The following DNAI1 variants were observed in gnomAD, a reference collection of about 807,000 sequenced individuals.
DNAI1 encodes the protein dynein, axonemal, intermediate polypeptide 1.
DNAI1 carries 67 observed loss-of-function variants against 92.0 expected under a neutral mutation model. The observed-to-expected ratio is 0.73, with a 90% CI of 0.60 to 0.89. The LOEUF is 0.89. Among genes scored for constraint, DNAI1 ranks in the 40% least tolerant of loss-of-function variants. DNAI1 has a pLI of 0.00. For synonymous variants in DNAI1, 323 were observed against 319.6 expected, an observed-to-expected ratio of 1.01 and a Z score of -0.11; for missense variants, 839 against 866.6, an observed-to-expected ratio of 0.97 and a Z score of 0.40.
At chr9:34,490,168 G>A in intron 6 of DNAI1, 44 bp downstream of exon 6, 1 of 1,613,558 alleles carries the variant, frequency 6.2e-7, no homozygotes, top group African/African-American at 1.3e-5. Flanking sequence ...TCCAGCTCAA[G>A]CTGTGGATGG....
intron 4 of DNAI1, among the ~76,000 whole-genome samples, chr9:34,487,571 T>C (rs1824498948): frequency 6.6e-6 from 1 of 152,086 alleles, no homozygotes; most frequent in Non-Finnish European, 1.5e-5. Flanking sequence ...GGAAGCTGCC[T>C]TATCCTCCCT....
At chr9:34,461,131 C>T (rs1322168891) in intron 1 of DNAI1, among the ~76,000 whole-genome samples, 2 of 152,124 alleles carry the variant, frequency 1.3e-5, no homozygotes, top group African/African-American at 2.4e-5. Context: ...TGTGGGCCAC[C>T]GCACCCAGCC....
intron 9 of DNAI1, among the ~76,000 whole-genome samples, chr9:34,495,072 T>A (rs1247147512): frequency 6.6e-6 from 1 of 152,198 alleles, no homozygotes; most frequent in African/African-American, 2.4e-5. Flanking sequence ...AAGGGCCTCC[T>A]TGGTGGACCT....
chr9:34,472,806 G>T (rs1824165245), intron 1 of DNAI1, among the ~76,000 whole-genome samples: 1 of 151,946 alleles, frequency 6.6e-6, no homozygotes, highest in African/African-American at 2.4e-5. Context: ...GGAGGGTGAA[G>T]CAGGAGGATC....
In DNAI1 at chr9:34,512,367, C is replaced by T. The variant is rs1825082891; in HGVS notation, c.1432C>T (p.Leu478=). The change falls in exon 15 of 20, where the codon CTG becomes TTG. Residue 478 remains leucine (L), a synonymous_variant. Coordinates refer to ENST00000242317, the MANE Select transcript of DNAI1 (RefSeq NM_012144.4). ...RKLVHIDVIK[L]KVEGSTTEVP... ...GCTGGTTCACATAGATGTCATCAAG[C>T]TGAAGGTGGAAGGCAGCACCACGGA... is the stretch of plus-strand genomic sequence containing the variant. The T allele has an allele frequency of 1.2e-6, 2 of 1,614,038 alleles. No individual in the cohort carries two copies. Among genetic ancestry groups the T allele is most frequent in the Admixed American group, 1.7e-5 (1 of 60,002 alleles).
intron 7 of DNAI1, chr9:34,491,240 T>C (rs2132062987): frequency 1.8e-6 from 1 of 565,820 alleles, no homozygotes; most frequent in South Asian, 2.0e-5. Flanking sequence ...TGTATCTTGG[T>C]TAAAATGGGC....
intron 19 of DNAI1, among the ~76,000 whole-genome samples, chr9:34,519,266 C>G (rs993721992): frequency 2.0e-5 from 3 of 152,120 alleles, no homozygotes; most frequent in Non-Finnish European, 4.4e-5. Context: ...ACCTCCCTGC[C>G]CAGGGAGCTC....
At chr9:34,493,099 A>T in intron 8 of DNAI1, 95 bp from the exon 9 acceptor site, 1 of 1,560,382 alleles carries the variant, frequency 6.4e-7, no homozygotes, top group Non-Finnish European at 8.8e-7. Flanking sequence ...TGCCAGGGTT[A>T]ACATGACCAA....
intron 16 of DNAI1, among the ~76,000 whole-genome samples, chr9:34,514,046 G>C (rs1418631825): frequency 2.0e-5 from 3 of 152,190 alleles, no homozygotes; most frequent in African/African-American, 7.2e-5. Context: ...CCTGGAAGAT[G>C]GCCAGACCAC....
In DNAI1 at chr9:34,490,326, C is replaced by T. The variant is rs369707286; in HGVS notation, c.502-43C>T. On this transcript the variant is annotated intron_variant, in intron 6 of 19. Coordinates refer to ENST00000242317, the MANE Select transcript of DNAI1 (RefSeq NM_012144.4). The stretch of plus-strand genomic sequence containing the variant: ...GCCCCATCTCCCGGTTTTCTACCAC[C>T]TTCTCACAGCTGATTCCTGATCCTC... 3.1e-6 allele frequency: 5 copies of T among 1,614,018 alleles called. No homozygotes were observed. In the African/African-American group the frequency reaches 5.3e-5, roughly 17 times the overall value.
Position 34,489,459 on chromosome 9 carries a change from T to C in DNAI1, c.388+10T>C, listed in dbSNP as rs1824538038. ...GATGAATTAGTGGCAGGTAGGACTC[T>C]GGGCCATCCTGAAGCTACAGCCCTG... On this transcript the variant is annotated intron_variant, in intron 5 of 19. Transcript: ENST00000242317. 2 of 1,612,876 alleles carry C rather than the reference T, an allele frequency of 1.2e-6. No individual in the cohort carries two copies. The highest frequency in any genetic ancestry group is 1.7e-6 in the Non-Finnish European group (2 of 1,179,846).
intron 1 of DNAI1, among the ~76,000 whole-genome samples, chr9:34,475,940 G>C (rs1015245547): frequency 6.6e-6 from 1 of 152,102 alleles, no homozygotes; most frequent in Admixed American, 6.6e-5. Context: ...GTTCAGTGGG[G>C]TCATGAACCA....
intron 10 of DNAI1, among the ~76,000 whole-genome samples, chr9:34,500,064 T>G (rs1252446781): frequency 2.0e-5 from 3 of 152,052 alleles, no homozygotes; most frequent in Non-Finnish European, 4.4e-5. Context: ...GCGAATGAAT[T>G]AAAAAGATAG....
At chr9:34,482,800 G>A (rs1042313601) in intron 1 of DNAI1, among the ~76,000 whole-genome samples, 12 of 152,256 alleles carry the variant, frequency 7.9e-5, no homozygotes, top group South Asian at 4.1e-4. Context: ...GGGACTGGGC[G>A]CCGTGGAGCA....
intron 12 of DNAI1, among the ~76,000 whole-genome samples, chr9:34,506,183 G>A (rs1824925922): frequency 1.3e-5 from 2 of 152,150 alleles, no homozygotes; most frequent in South Asian, 2.1e-4. Context: ...TAGACAATTC[G>A]ATGTTAGTTC....
Position 34,485,122 on chromosome 9 carries a change from CAT to C in DNAI1, c.82-19_82-18del, listed in dbSNP as rs1587067358. ...AAGCAGAAAAGACACTCCCAAGCCT[CAT>C]GTGAGGTTTTTGTCTAGGATGAAGA... is the stretch of plus-strand genomic sequence containing the variant. On this transcript the variant is annotated intron_variant, in intron 2 of 19. Coordinates refer to ENST00000242317, the MANE Select transcript of DNAI1 (RefSeq NM_012144.4). 2.5e-6 allele frequency: 4 copies of C among 1,613,378 alleles called. No individual in the cohort carries two copies. Among genetic ancestry groups the C allele is most frequent in the Non-Finnish European group, 1.7e-6 (2 of 1,179,322 alleles).
chr9:34,520,019 T>C (rs2132088992), intron 19 of DNAI1, among the ~76,000 whole-genome samples: 1 of 152,214 alleles, frequency 6.6e-6, no homozygotes, highest in South Asian at 2.1e-4. Context: ...CAGGATCTGG[T>C]CTTCTAAAGG....
At chr9:34,489,264 A>G in intron 4 of DNAI1, 59 bp from the exon 5 acceptor site, 1 of 1,597,940 alleles carries the variant, frequency 6.3e-7, no homozygotes, top group Non-Finnish European at 8.6e-7. Flanking sequence ...AAAGCAGATT[A>G]CATTTTGACT....
At chr9:34,482,530 G>A (rs1004777192) in intron 1 of DNAI1, among the ~76,000 whole-genome samples, 3 of 147,868 alleles carry the variant, frequency 2.0e-5, no homozygotes, top group African/African-American at 7.6e-5. Context: ...CCTTGAGCTA[G>A]ACATAAAGAC....
Sources: allele counts gnomAD v4.1 joint callset (sites outside exome capture counted in the v4.1 genomes callset), GRCh38; gene constraint gnomAD v4.1.1; transcripts MANE v1.5; gene names NCBI Gene and HGNC (gene_info 2026-07-23, HGNC 2026-07-21).